IQSEC1: variants seen among roughly 807,000 people sequenced by gnomAD.
IQSEC1 encodes the protein IQ motif and SEC7 domain-containing protein 1.
IQSEC1 carries 31 observed loss-of-function variants against 91.0 expected under a neutral mutation model. That is an observed-to-expected ratio of 0.34 (90% confidence interval 0.26 to 0.46). The LOEUF is 0.46. IQSEC1 is among the 20% of genes least tolerant of loss of function. The pLI is 1.00. For missense variants in IQSEC1, 1,388 were observed against 1,575.6 expected, an observed-to-expected ratio of 0.88 and a Z score of 2.02; for synonymous variants, 699 against 662.6, an observed-to-expected ratio of 1.05 and a Z score of -0.84.
chr3:13,262,387 G>C (rs941202223), intron 1 of IQSEC1, among the ~76,000 whole-genome samples: 1 of 152,288 alleles, frequency 6.6e-6, no homozygotes, highest in South Asian at 2.1e-4. Flanking sequence ...ACACTGGAGG[G>C]GCCTGGGGCT....
chr3:12,927,126 A>G (rs1575933911), intron 3 of IQSEC1, among the ~76,000 whole-genome samples: 1 of 151,934 alleles, frequency 6.6e-6, no homozygotes, highest in South Asian at 2.1e-4. Context: ...ACCAGCCCAC[A>G]CCCTTCTCTC....
chr3:13,175,654 T>C (rs1419487441), intron 1 of IQSEC1, among the ~76,000 whole-genome samples: 2 of 152,256 alleles, frequency 1.3e-5, no homozygotes, highest in Non-Finnish European at 2.9e-5. Flanking sequence ...TGCCATACGC[T>C]GGCTGGCTTA....
At chr3:13,055,012 C>A (rs1704823844) in intron 1 of IQSEC1, among the ~76,000 whole-genome samples, 1 of 152,214 alleles carries the variant, frequency 6.6e-6, no homozygotes, top group African/African-American at 2.4e-5. Flanking sequence ...CCAGGCCTCC[C>A]AAGCCCTCAG....
At chr3:12,975,233 G>A (rs1701106263) in intron 1 of IQSEC1, among the ~76,000 whole-genome samples, 1 of 152,270 alleles carries the variant, frequency 6.6e-6, no homozygotes. Context: ...GAGCCAAGGT[G>A]TGTTGAGTGA....
At chr3:12,980,444 C>T (rs1301161843) in intron 1 of IQSEC1, among the ~76,000 whole-genome samples, 1 of 152,242 alleles carries the variant, frequency 6.6e-6, no homozygotes, top group Admixed American at 6.5e-5. Flanking sequence ...ACACAATCCA[C>T]AGACAATTGT....
Position 12,899,677 on chromosome 3 carries a change from T to C in IQSEC1, c.*1306A>G, listed in dbSNP as rs1343296054. The C allele has an allele frequency of 1.0e-6, 1 of 985,390 alleles. No individual in the cohort carries two copies. Among genetic ancestry groups the C allele is most frequent in the Non-Finnish European group, 1.2e-6 (1 of 829,918 alleles). 61.0% of individuals were successfully genotyped at this position (985,390 alleles called of 1,614,324 possible). ...TCTGCTAGCACATGGCTACATGGAA[T>C]TACGGTGATCACTGCTACCACTCAG... On this transcript the variant is annotated 3_prime_UTR_variant, in exon 14 of 14. Coordinates refer to ENST00000613206, the MANE Select transcript of IQSEC1 (RefSeq NM_001134382.3).
At chr3:13,203,539 G>A (rs150750648) in intron 1 of IQSEC1, among the ~76,000 whole-genome samples, 100 of 152,314 alleles carry the variant, frequency 6.6e-4, no homozygotes, top group African/African-American at 2.2e-3. Flanking sequence ...AGGAACAGGA[G>A]GTCTGCAGGG....
intron 1 of IQSEC1, among the ~76,000 whole-genome samples, chr3:13,017,821 T>C (rs1703210749): frequency 6.6e-6 from 1 of 152,136 alleles, no homozygotes; most frequent in Non-Finnish European, 1.5e-5. Flanking sequence ...AGGGAATTTA[T>C]GTGTGCTCCA....
chr3:13,233,094 G>A (rs1251896550), intron 1 of IQSEC1, among the ~76,000 whole-genome samples: 1 of 152,180 alleles, frequency 6.6e-6, no homozygotes, highest in Non-Finnish European at 1.5e-5. Flanking sequence ...TAATGCCACC[G>A]CAATGTGCAC....
chr3:13,035,036 A>T (rs1703984456), intron 1 of IQSEC1, among the ~76,000 whole-genome samples: 1 of 152,206 alleles, frequency 6.6e-6, no homozygotes, highest in South Asian at 2.1e-4. Context: ...CTCCACTGAC[A>T]TCCCAGCACT....
intron 1 of IQSEC1, among the ~76,000 whole-genome samples, chr3:12,945,692 A>G (rs970419135): frequency 6.6e-6 from 1 of 152,246 alleles, no homozygotes; most frequent in Non-Finnish European, 1.5e-5. Context: ...AACCCATTTG[A>G]GCCAGAGGAC....
intron 1 of IQSEC1, among the ~76,000 whole-genome samples, chr3:13,279,301 C>A (rs1384744096): frequency 1.3e-5 from 2 of 152,194 alleles, no homozygotes; most frequent in African/African-American, 2.4e-5. Flanking sequence ...TGTAGCCAAC[C>A]AGACATTGGA....
intron 2 of IQSEC1, among the ~76,000 whole-genome samples, chr3:13,097,125 G>A (rs1161300623): frequency 5.9e-5 from 9 of 152,168 alleles, no homozygotes; most frequent in African/African-American, 2.2e-4. Flanking sequence ...CTCCCAAAGT[G>A]CTGGGATTAC....
At chr3:13,157,445 T>C (rs1707101766) in intron 2 of IQSEC1, among the ~76,000 whole-genome samples, 1 of 152,074 alleles carries the variant, frequency 6.6e-6, no homozygotes, top group Admixed American at 6.6e-5. Flanking sequence ...AGGCTGAGGG[T>C]ATCCAGAGGC....
At position 12,899,494 on chromosome 3, in the gene IQSEC1, T is replaced by TG; in HGVS notation, c.*1488dup. On this transcript the variant is annotated 3_prime_UTR_variant, in exon 14 of 14. Coordinates refer to ENST00000613206, the MANE Select transcript of IQSEC1 (RefSeq NM_001134382.3). ...GACCTGCCGCGTGCAGGTCTGGCCC[T>TG]GGGGAGCGCATGGTGTCACCACAAC... is the stretch of plus-strand genomic sequence containing the variant. The TG allele has an allele frequency of 6.3e-7, 1 of 1,578,544 alleles. No individual in the cohort carries two copies. The highest frequency in any genetic ancestry group is 1.3e-5 in the African/African-American group (1 of 74,164).
At chr3:13,047,781 T>A (rs1704554284) in intron 1 of IQSEC1, among the ~76,000 whole-genome samples, 1 of 152,162 alleles carries the variant, frequency 6.6e-6, no homozygotes, top group Non-Finnish European at 1.5e-5. Flanking sequence ...ATGGGGAAAC[T>A]GAGGCTCAAG....
chr3:13,093,951 TGA>T (rs1705912463), intron 2 of IQSEC1, among the ~76,000 whole-genome samples: 1 of 152,284 alleles, frequency 6.6e-6, no homozygotes, highest in Non-Finnish European at 1.5e-5. Context: ...GTCAGGCCAA[TGA>T]GAGTCAGCCC....
At chr3:13,057,792 G>A (rs1278225764) in intron 1 of IQSEC1, among the ~76,000 whole-genome samples, 2 of 152,204 alleles carry the variant, frequency 1.3e-5, no homozygotes, top group Non-Finnish European at 2.9e-5. Context: ...AGCTCAGCCT[G>A]CCTGAGTCTG....
At chr3:12,941,048 A>G (rs1426181194) in intron 2 of IQSEC1, among the ~76,000 whole-genome samples, 1 of 152,140 alleles carries the variant, frequency 6.6e-6, no homozygotes, top group Non-Finnish European at 1.5e-5. Flanking sequence ...AGGAGCAGGG[A>G]GGTGTGAGCC....
Sources: gnomAD v4.1 joint callset for allele counts (sites outside exome capture counted in the v4.1 genomes callset) on GRCh38, gnomAD v4.1.1 for gene constraint, MANE v1.5 for transcripts, NCBI Gene and HGNC (gene_info 2026-07-23, HGNC 2026-07-21) for gene names.